The following STIM2 variants were observed in gnomAD, a reference collection of about 807,000 sequenced individuals.
STIM2 encodes the protein stromal interaction molecule 2.
Under a neutral mutation model 85.8 loss-of-function variants are expected in STIM2, and 31 were observed. The observed-to-expected ratio is 0.36, with a 90% CI of 0.27 to 0.49. STIM2 has a LOEUF of 0.49. STIM2 is among the 20% of genes least tolerant of loss of function. The probability of loss-of-function intolerance (pLI) is 0.98; values close to 1 mark genes in which losing one functional copy is unlikely to be tolerated. For synonymous variants in STIM2, 356 were observed against 331.1 expected, an observed-to-expected ratio of 1.08 and a Z score of -0.82; for missense variants, 841 against 927.6, an observed-to-expected ratio of 0.91 and a Z score of 1.21.
chr4:26,947,831 TC>T (rs1158273536), intron 2 of STIM2, among the ~76,000 whole-genome samples: 1 of 152,172 alleles, frequency 6.6e-6, no homozygotes, highest in Non-Finnish European at 1.5e-5. Flanking sequence ...TAAAAGTTGT[TC>T]CAGAGGCAAC....
At chr4:26,933,899 C>A (rs1218403558) in intron 2 of STIM2, among the ~76,000 whole-genome samples, 2 of 151,936 alleles carry the variant, frequency 1.3e-5, no homozygotes, top group Non-Finnish European at 2.9e-5. Flanking sequence ...TTTTAAAATA[C>A]CCGCAAAAAT....
At position 27,022,833 on chromosome 4, in the gene STIM2, C is replaced by T; in HGVS notation, c.2078C>T (p.Pro693Leu). ...TCCAGTGGCATCCCGGTGCCTAAAC[C>T]TCGCCACACATCATGTTCCTCAGCT... Residue 693 changes from proline (P) to leucine (L), a missense_variant, in exon 12 of 12, where the codon CCT (proline) becomes CTT (leucine). Coordinates refer to ENST00000467087, the MANE Select transcript of STIM2 (RefSeq NM_020860.4). 1 of 1,614,236 alleles carries T rather than the reference C, an allele frequency of 6.2e-7. No homozygotes were observed. Among genetic ancestry groups the T allele is most frequent in the Non-Finnish European group, 8.5e-7 (1 of 1,180,042 alleles).
At chr4:26,986,176 C>G (rs1304560280) in intron 3 of STIM2, among the ~76,000 whole-genome samples, 1 of 152,142 alleles carries the variant, frequency 6.6e-6, no homozygotes, top group Non-Finnish European at 1.5e-5. Context: ...CATCTGATAC[C>G]TACTTCATAG....
At chr4:26,923,331 A>G (rs1724881157) in intron 2 of STIM2, among the ~76,000 whole-genome samples, 2 of 152,102 alleles carry the variant, frequency 1.3e-5, no homozygotes, top group African/African-American at 2.4e-5. Flanking sequence ...CTCCTCCTCC[A>G]AAGGAACGCA....
In STIM2 at chr4:27,008,430, A is replaced by T. The variant is rs139816649; in HGVS notation, c.1152A>T (p.Ala384=). The T allele has an allele frequency of 1.1e-5, 18 of 1,579,942 alleles. No homozygotes were observed. The African/African-American group carries it at 2.3e-4, about 20-fold the overall frequency. The stretch of plus-strand genomic sequence containing the variant: ...ATTTAGTCCTTTTCGGTTTCTAGGC[A>T]GAAAAAATTAAAAAGAAGAGAAGCA... Residue 384 remains alanine, a splice_region_variant and synonymous_variant, in exon 9 of 12, where the codon GCA becomes GCT. Transcript: ENST00000467087.
At chr4:26,875,945 G>A (rs1442174540) in intron 1 of STIM2, among the ~76,000 whole-genome samples, 1 of 152,160 alleles carries the variant, frequency 6.6e-6, no homozygotes, top group African/African-American at 2.4e-5. Flanking sequence ...ATTAGGAAGA[G>A]TTCAGTGTTT....
intron 1 of STIM2, among the ~76,000 whole-genome samples, chr4:26,918,358 A>G (rs1724670131): frequency 6.6e-6 from 1 of 151,390 alleles, no homozygotes; most frequent in African/African-American, 2.4e-5. Flanking sequence ...AATAGATCTT[A>G]GTAAGTATCT....
At chr4:26,965,938 G>GT (rs1008400181) in intron 3 of STIM2, among the ~76,000 whole-genome samples, 40 of 152,204 alleles carry the variant, frequency 2.6e-4, no homozygotes, top group African/African-American at 8.2e-4. Flanking sequence ...TTTGAGCCTT[G>GT]TTTTTTCTCA....
At chr4:27,020,809 A>G (rs759242975) in intron 11 of STIM2, among the ~76,000 whole-genome samples, 19 of 152,210 alleles carry the variant, frequency 1.2e-4, no homozygotes, top group Admixed American at 2.0e-4. Context: ...GCATTTGCCT[A>G]TAACATGAGC....
intron 1 of STIM2, among the ~76,000 whole-genome samples, chr4:26,887,087 A>T (rs139464892): frequency 9.2e-4 from 140 of 151,864 alleles, no homozygotes; most frequent in African/African-American, 3.3e-3. Context: ...ATGCCTTTAT[A>T]GGATATAATT....
At chr4:26,930,541 T>A (rs960240379) in intron 2 of STIM2, among the ~76,000 whole-genome samples, 2 of 152,192 alleles carry the variant, frequency 1.3e-5, no homozygotes, top group African/African-American at 4.8e-5. Context: ...CCTACTTATC[T>A]GAAAAGTCCA....
chr4:26,909,554 G>T (rs1724255956), intron 1 of STIM2, among the ~76,000 whole-genome samples: 1 of 152,110 alleles, frequency 6.6e-6, no homozygotes, highest in Non-Finnish European at 1.5e-5. Flanking sequence ...TATTGCACTT[G>T]GATCAATGCC....
intron 2 of STIM2, among the ~76,000 whole-genome samples, chr4:26,957,175 G>A (rs561726485): frequency 1.3e-5 from 2 of 152,222 alleles, no homozygotes; most frequent in East Asian, 3.9e-4. Context: ...CAGTGTAAAT[G>A]CTATGTAAAT....
intron 10 of STIM2, among the ~76,000 whole-genome samples, chr4:27,012,664 T>C (rs1728598869): frequency 6.6e-6 from 1 of 152,064 alleles, no homozygotes; most frequent in Admixed American, 6.6e-5. Context: ...TTCCTCTTTA[T>C]TGCCCAAGCT....
At chr4:26,894,181 C>G (rs34052188) in intron 1 of STIM2, among the ~76,000 whole-genome samples, 32,121 of 152,190 alleles carry the variant, frequency 0.21, 4,402 homozygotes, top group Middle Eastern at 0.32. Flanking sequence ...GCCACTGCAC[C>G]TGGCCTAATT....
chr4:26,921,837 T>C (rs1215960603), intron 2 of STIM2, among the ~76,000 whole-genome samples: 2 of 152,240 alleles, frequency 1.3e-5, no homozygotes, highest in Non-Finnish European at 2.9e-5. Context: ...GGTCAGATAT[T>C]AAATCTTCAG....
rs140734561 is a variant in STIM2, at chr4:27,017,768, G to A, written c.1547G>A (p.Arg516His). 1.7e-5 allele frequency: 28 copies of A among 1,614,026 alleles called. No individual in the cohort carries two copies. The highest frequency in any genetic ancestry group is 3.3e-5 in the Admixed American group (2 of 60,014). ...AGAAGCAGCAGCCTGTGCCGTTCACGCCGCAGCATTGTGCCGTCCTCGCCT... is the reference window on the plus strand; with the variant it reads ...AGAAGCAGCAGCCTGTGCCGTTCACACCGCAGCATTGTGCCGTCCTCGCCT... Residue 516 changes from arginine (R) to histidine (H), a missense_variant, in exon 11 of 12, where the codon CGC becomes CAC. Arg to His is a conservative substitution (Grantham distance 29, BLOSUM62 0). This residue lies in a region of STIM2 where 408 missense variants were observed against 525.4 expected (regional missense o/e 0.78). Transcript: ENST00000467087.
intron 3 of STIM2, among the ~76,000 whole-genome samples, chr4:26,967,094 A>G (rs1231390934): frequency 6.6e-6 from 1 of 152,224 alleles, no homozygotes; most frequent in Non-Finnish European, 1.5e-5. Flanking sequence ...TTAAGAATCT[A>G]TATCAGTCTG....
intron 2 of STIM2, among the ~76,000 whole-genome samples, chr4:26,954,575 T>C (rs538322450): frequency 2.0e-5 from 3 of 148,634 alleles, no homozygotes; most frequent in East Asian, 3.9e-4. Flanking sequence ...TTTTCAGTTA[T>C]TGGTGACTGT....
Sources: allele counts gnomAD v4.1 joint callset (sites outside exome capture counted in the v4.1 genomes callset), GRCh38; gene constraint gnomAD v4.1.1; regional missense constraint gnomAD v4.1.1; transcripts MANE v1.5; gene names NCBI Gene and HGNC (gene_info 2026-07-23, HGNC 2026-07-21).